SPATA13: variants seen among roughly 807,000 people sequenced by gnomAD.
SPATA13 encodes spermatogenesis associated 13.
SPATA13 carries 50 observed loss-of-function variants against 104.0 expected under a neutral mutation model. That is an observed-to-expected ratio of 0.48 (90% confidence interval 0.38 to 0.61). The LOEUF is 0.61. Ranked by LOEUF, SPATA13 falls within the 20% of genes least tolerant of loss-of-function variation. The pLI is 0.00. For missense variants in SPATA13, 1,524 were observed against 1,690.6 expected (o/e 0.90, Z 1.73); for synonymous variants, 606 against 667.5 (o/e 0.91, Z 1.42).
chr13:24,193,316 G>A (rs148325506), intron 1 of SPATA13, among the ~76,000 whole-genome samples: 2 of 152,268 alleles, frequency 1.3e-5, no homozygotes, highest in African/African-American at 4.8e-5. Context: ...GGTGAGGGTG[G>A]GGGAGAGAGA....
chr13:24,093,878 C>T lies in SPATA13; in HGVS notation c.-112+76177C>T, dbSNP rs1486072748. On this transcript the variant is annotated intron_variant, in intron 3 of 14. Coordinates refer to the SPATA13 transcript ENST00000424834. ...ATCTTGGATGCTTGTTGAAAATGTG[C>T]CTTCTGGGTGGGGGGACCTGATGCA... Among the ~76,000 whole-genome samples, 6 of 152,036 alleles carry T rather than the reference C, an allele frequency of 3.9e-5. No individual in the cohort carries two copies. The East Asian group carries it at 7.7e-4, about 20-fold the overall frequency.
chr13:24,146,570 GAGGAAAGT>G (rs1881939661), intron 3 of SPATA13, among the ~76,000 whole-genome samples: 1 of 152,124 alleles, frequency 6.6e-6, no homozygotes, highest in African/African-American at 2.4e-5. Context: ...AATTAACACA[GAGGAAAGT>G]AGGCTATAAA....
upstream of SPATA13, among the ~76,000 whole-genome samples, chr13:24,155,991 G>C (rs1337179902): frequency 2.0e-5 from 3 of 152,184 alleles, no homozygotes; most frequent in Middle Eastern, 3.2e-3. Context: ...GGGTCCACCT[G>C]TGTTGCAGCG....
rs1303996252 is a variant in SPATA13, at chr13:24,286,172, A to G, written c.2302-42A>G. The G allele has an allele frequency of 1.3e-6, 2 of 1,544,230 alleles. No homozygotes were observed. Among genetic ancestry groups the G allele is most frequent in the Non-Finnish European group, 1.8e-6 (2 of 1,141,258 alleles). ...TAGTGGCTCCCTCACCATCCCGCCCACTCGTGCTCTATGCTGAGCGCACCC... is the reference window on the plus strand; with the variant it reads ...TAGTGGCTCCCTCACCATCCCGCCCGCTCGTGCTCTATGCTGAGCGCACCC... On this transcript the variant is annotated intron_variant, in intron 5 of 12. Coordinates refer to ENST00000382108, the MANE Select transcript of SPATA13 (RefSeq NM_001166271.3). The surrounding 1 kb of genome is among the most constrained non-coding windows in gnomAD (Gnocchi z 4.9).
intron 2 of SPATA13, among the ~76,000 whole-genome samples, chr13:23,984,152 G>T (rs1190450928): frequency 6.6e-6 from 1 of 152,238 alleles, no homozygotes; most frequent in East Asian, 1.9e-4. Context: ...CTAGGGCGAA[G>T]CCTGCAGGTC....
At position 24,249,644 on chromosome 13, in the gene SPATA13, G is replaced by A. The variant is rs774039936; in HGVS notation, c.1821G>A (p.Ser607=). 21 of 1,613,392 alleles carry A rather than the reference G, an allele frequency of 1.3e-5. No homozygotes were observed. In the South Asian group the frequency reaches 1.6e-4, roughly 13 times the overall value. The change falls in exon 3 of 13, where the codon TCG becomes TCA. Residue 607 remains serine, a synonymous_variant. Transcript: ENST00000382108. ...GCAGTTTGTCTATTCCTGAAGACTC[G>A]GTTGCTGCAGACCCCCAGAAGGAAG... ...ASRSLSIPED[S]VAADPQKEDR...
intron 3 of SPATA13, among the ~76,000 whole-genome samples, chr13:24,118,125 T>C (rs189189287): frequency 2.2e-4 from 34 of 152,196 alleles, no homozygotes; most frequent in Admixed American, 6.5e-4. Flanking sequence ...TATGAGGAAA[T>C]CTGGAACAGC....
At chr13:24,269,998 A>G (rs1874492137) in intron 4 of SPATA13, among the ~76,000 whole-genome samples, 1 of 152,060 alleles carries the variant, frequency 6.6e-6, no homozygotes, top group African/African-American at 2.4e-5. Context: ...TTGGGATTAC[A>G]GGCATGAGCC....
chr13:24,286,669 G>C lies in SPATA13; in HGVS notation c.2482-96G>C. 8.1e-7 allele frequency: 1 copy of C among 1,230,370 alleles called. No individual in the cohort carries two copies. The highest frequency in any genetic ancestry group is 2.3e-5 in the Admixed American group (1 of 42,622). 76.2% of individuals were successfully genotyped at this position (1,230,370 alleles called of 1,614,324 possible). The stretch of plus-strand genomic sequence containing the variant: ...CGAGGGCCAGGCTGCCTTCCTAACA[G>C]GTCACAGGAAAGTAGGAACCTGGGA... On this transcript the variant is annotated intron_variant, in intron 6 of 12. Coordinates refer to ENST00000382108, the MANE Select transcript of SPATA13 (RefSeq NM_001166271.3). The surrounding 1 kb of genome is among the most constrained non-coding windows in gnomAD (Gnocchi z 4.9).
rs1878355376 is a variant in SPATA13, at chr13:24,051,948, G to A, written c.-112+34247G>A. ...CCCCTGCAGCTCCTCACCAGGTTCA[G>A]ACGTCCTGGCTCTGGTCCTCCCACC... On this transcript the variant is annotated intron_variant, in intron 3 of 14. Transcript: ENST00000424834. This position sits in a 1 kb window ranked among gnomAD's most constrained non-coding sequence, Gnocchi z 4.2. Among the ~76,000 whole-genome samples, 1 of 152,186 alleles carries A rather than the reference G, an allele frequency of 6.6e-6. No homozygotes were observed. Among genetic ancestry groups the A allele is most frequent in the African/African-American group, 2.4e-5 (1 of 41,440 alleles).
chr13:24,182,602 C>T (rs746210333), intron 1 of SPATA13, among the ~76,000 whole-genome samples: 1 of 152,132 alleles, frequency 6.6e-6, no homozygotes, highest in Non-Finnish European at 1.5e-5. Context: ...GGCACCAGGC[C>T]AGTCCTGAAG....
chr13:24,181,211 G>A (rs760624634), intron 1 of SPATA13, among the ~76,000 whole-genome samples: 30 of 152,248 alleles, frequency 2.0e-4, no homozygotes, highest in African/African-American at 6.7e-4. Flanking sequence ...ATTGCTGTTC[G>A]CTGCTCTAAA....
intron 4 of SPATA13, among the ~76,000 whole-genome samples, chr13:24,255,593 T>C (rs79313076): frequency 0.015 from 2,312 of 152,314 alleles, 56 homozygotes; most frequent in Admixed American, 0.047. Flanking sequence ...AGGACCAGGT[T>C]TGCATTGCAG....
rs1284912652 is a variant in SPATA13 at position 24,304,717 on chromosome 13, C to G, written c.*1944C>G. The G allele has an allele frequency of 1.3e-5, 2 of 152,262 alleles. No homozygotes were observed. The highest frequency in any genetic ancestry group is 1.9e-4 in the East Asian group (1 of 5,194). The allele number at this position is 152,262 out of a possible 1,614,324, so 9.4% of individuals were successfully genotyped here. On this transcript the variant is annotated 3_prime_UTR_variant, in exon 13 of 13. Transcript: ENST00000382108. ...GCACACATGCTTACAGGCAGCACTGCTAAGGGTTCAGGTGCCCCATGGCTG... is the reference window on the plus strand; with the variant it reads ...GCACACATGCTTACAGGCAGCACTGGTAAGGGTTCAGGTGCCCCATGGCTG...
At chr13:24,261,426 T>C (rs959421518) in intron 4 of SPATA13, among the ~76,000 whole-genome samples, 4 of 152,092 alleles carry the variant, frequency 2.6e-5, no homozygotes, top group South Asian at 2.1e-4. Flanking sequence ...ATATCCTTGA[T>C]TGTGAAGCTC....
intron 1 of SPATA13, among the ~76,000 whole-genome samples, chr13:24,163,276 C>A (rs914688730): frequency 6.6e-6 from 1 of 152,128 alleles, no homozygotes; most frequent in African/African-American, 2.4e-5. Context: ...GGCGCACTCA[C>A]CTGTAGTCCA....
At chr13:24,218,930 T>C (rs1270141369) in intron 1 of SPATA13, among the ~76,000 whole-genome samples, 1 of 151,496 alleles carries the variant, frequency 6.6e-6, no homozygotes, top group African/African-American at 2.4e-5. Context: ...TAAAAATTAC[T>C]GGTCAGAAGC....
chr13:24,002,845 A>G (rs1376282969), intron 2 of SPATA13, among the ~76,000 whole-genome samples: 1 of 152,142 alleles, frequency 6.6e-6, no homozygotes, highest in Non-Finnish European at 1.5e-5. Flanking sequence ...CCCCATACAC[A>G]GTGTTGTAAA....
intron 1 of SPATA13, among the ~76,000 whole-genome samples, chr13:24,209,772 A>G (rs998101397): frequency 6.6e-6 from 1 of 151,826 alleles, no homozygotes; most frequent in African/African-American, 2.4e-5. Flanking sequence ...GTTTTTTTGG[A>G]TATATACCCA....
Sources: allele counts gnomAD v4.1 joint callset (sites outside exome capture counted in the v4.1 genomes callset), GRCh38; gene constraint gnomAD v4.1.1; non-coding constraint Gnocchi (gnomAD v3.1); transcripts MANE v1.5; gene names NCBI Gene and HGNC (gene_info 2026-07-23, HGNC 2026-07-21).